Variants in MAGI3 observed in about 807,000 individuals in gnomAD.
The protein encoded by MAGI3 is membrane associated guanylate kinase, WW and PDZ domain containing 3, also known as membrane-associated guanylate kinase, WW and PDZ domain-containing protein 3.
A neutral mutation model predicts 121.8 loss-of-function variants in MAGI3; 43 were observed. The observed-to-expected ratio is 0.35, with a 90% CI of 0.28 to 0.46. MAGI3 has a LOEUF of 0.46. MAGI3 is among the 20% of genes least tolerant of loss of function. The probability of loss-of-function intolerance (pLI) is 1.00; values close to 1 mark genes in which losing one functional copy is unlikely to be tolerated. For synonymous variants in MAGI3, 553 were observed against 639.3 expected, an observed-to-expected ratio of 0.86 and a Z score of 2.04; for missense variants, 1,547 against 1,797.3, an observed-to-expected ratio of 0.86 and a Z score of 2.52.
At chr1:113,631,311 C>T (rs1306408185) in intron 9 of MAGI3, among the ~76,000 whole-genome samples, 6 of 152,094 alleles carry the variant, frequency 3.9e-5, no homozygotes, top group Non-Finnish European at 7.3e-5. Context: ...TCTCTTGTAA[C>T]GGTACTTTTA....
At chr1:113,612,145 T>C (rs1650192287) in intron 6 of MAGI3, among the ~76,000 whole-genome samples, 2 of 152,132 alleles carry the variant, frequency 1.3e-5, no homozygotes, top group South Asian at 4.1e-4. Context: ...GGTTTCACAA[T>C]GTTGGCCAGG....
chr1:113,525,190 T>C lies in MAGI3; in HGVS notation c.317-24325T>C, dbSNP rs182759328. ...CTTTATCAGCAACATGAAAACGGACTAATACACAGGCTGTGTTCACAATTT... is the reference window on the plus strand; with the variant it reads ...CTTTATCAGCAACATGAAAACGGACCAATACACAGGCTGTGTTCACAATTT... On this transcript the variant is annotated intron_variant, in intron 1 of 20. Transcript: ENST00000307546. Among the ~76,000 whole-genome samples the C allele has an allele frequency of 2.6e-4, 39 of 152,352 alleles. 1 individual carries two copies. The East Asian group carries it at 6.7e-3, about 26-fold the overall frequency.
At chr1:113,676,987 A>C (rs1422921118) in intron 19 of MAGI3, among the ~76,000 whole-genome samples, 1 of 152,180 alleles carries the variant, frequency 6.6e-6, no homozygotes, top group Non-Finnish European at 1.5e-5. Flanking sequence ...AGGACTTATT[A>C]CTGGGTGAAC....
chr1:113,441,942 C>T (rs557885769), intron 1 of MAGI3, among the ~76,000 whole-genome samples: 1 of 152,256 alleles, frequency 6.6e-6, no homozygotes, highest in South Asian at 2.1e-4. Flanking sequence ...AGAGAATTAA[C>T]ATCTGATTAT....
At chr1:113,594,830 C>G (rs1449255536) in intron 6 of MAGI3, among the ~76,000 whole-genome samples, 1 of 152,126 alleles carries the variant, frequency 6.6e-6, no homozygotes, top group African/African-American at 2.4e-5. Flanking sequence ...TGACATCTGT[C>G]CTGAAGACAG....
intron 4 of MAGI3, among the ~76,000 whole-genome samples, chr1:113,589,456 G>A (rs1053862191): frequency 1.3e-5 from 2 of 152,036 alleles, no homozygotes; most frequent in African/African-American, 2.4e-5. Context: ...ATTTAGCCAG[G>A]CAGTATTATG....
chr1:113,643,337 A>G (rs17359281), intron 10 of MAGI3, among the ~76,000 whole-genome samples: 15,734 of 152,160 alleles, frequency 0.1, 1,044 homozygotes, highest in East Asian at 0.19. Context: ...TTTGATTCAC[A>G]TGGGTTTCTT....
chr1:113,427,723 C>G (rs1301058746), intron 1 of MAGI3, among the ~76,000 whole-genome samples: 1 of 152,158 alleles, frequency 6.6e-6, no homozygotes, highest in African/African-American at 2.4e-5. Flanking sequence ...AGAAATCAGT[C>G]TAAGCTAGCT....
At position 113,449,308 on chromosome 1, in the gene MAGI3, T is replaced by C. The variant is rs533246065; in HGVS notation, c.316+57959T>C. Among the ~76,000 whole-genome samples, 21 of 151,940 alleles carry C rather than the reference T, an allele frequency of 1.4e-4. No homozygotes were observed. The South Asian group carries it at 3.8e-3, about 27-fold the overall frequency. Reference sequence around the variant, plus strand: ...ATGAGTGGTGAATTTCCTCGTTTAGTCTTACTTTGAGGCAGCAAATAAATC... The same window carrying C: ...ATGAGTGGTGAATTTCCTCGTTTAGCCTTACTTTGAGGCAGCAAATAAATC... On this transcript the variant is annotated intron_variant, in intron 1 of 20. Coordinates refer to ENST00000307546, the MANE Select transcript of MAGI3 (RefSeq NM_001142782.2).
intron 9 of MAGI3, among the ~76,000 whole-genome samples, chr1:113,640,588 A>G (rs1386059985): frequency 6.6e-6 from 1 of 152,118 alleles, no homozygotes; most frequent in East Asian, 1.9e-4. Context: ...AGGGACATAG[A>G]TGAAGCTGGA....
intron 1 of MAGI3, among the ~76,000 whole-genome samples, chr1:113,531,975 A>C (rs1221794218): frequency 6.6e-6 from 1 of 152,188 alleles, no homozygotes; most frequent in Non-Finnish European, 1.5e-5. Context: ...GATATAATTC[A>C]GTTCTTAAGT....
At chr1:113,577,881 A>G (rs990387441) in intron 2 of MAGI3, among the ~76,000 whole-genome samples, 2 of 152,200 alleles carry the variant, frequency 1.3e-5, no homozygotes, top group Non-Finnish European at 2.9e-5. Flanking sequence ...AGTATTATCT[A>G]TAATATGGCT....
At chr1:113,549,261 C>T (rs7514186) in intron 1 of MAGI3, among the ~76,000 whole-genome samples, 10,299 of 152,174 alleles carry the variant, frequency 0.068, 391 homozygotes, top group African/African-American at 0.075. Context: ...ATATTTTTGT[C>T]ACCTTCTCTG....
intron 1 of MAGI3, among the ~76,000 whole-genome samples, chr1:113,503,219 TAAAAAAAAAAAAAAAA>T (rs869272201): frequency 6.7e-4 from 6 of 8,996 alleles, no homozygotes; most frequent in Admixed American, 2.5e-3. Context: ...AGAGTATAAT[TAAAAAAAAAAAAAAAA>T]AAAAAAAAAA....
At chr1:113,521,415 TTTTTG>T (rs1227905870) in intron 1 of MAGI3, among the ~76,000 whole-genome samples, 5 of 149,252 alleles carry the variant, frequency 3.4e-5, no homozygotes, top group African/African-American at 1.2e-4. Context: ...TGTTTTTTGT[TTTTTG>T]TTTTTAAGAT....
intron 19 of MAGI3, among the ~76,000 whole-genome samples, chr1:113,680,641 C>T (rs1648160985): frequency 6.6e-6 from 1 of 152,012 alleles, no homozygotes; most frequent in Non-Finnish European, 1.5e-5. Context: ...CCTGTAGTCC[C>T]AACTACTCGG....
intron 1 of MAGI3, among the ~76,000 whole-genome samples, chr1:113,437,487 A>G (rs1006359372): frequency 2.0e-5 from 3 of 151,996 alleles, no homozygotes; most frequent in Non-Finnish European, 4.4e-5. Flanking sequence ...TTCTCCCTAG[A>G]TAATAGAAAG....
At chr1:113,625,619 A>G (rs1651193168) in intron 9 of MAGI3, among the ~76,000 whole-genome samples, 2 of 152,328 alleles carry the variant, frequency 1.3e-5, no homozygotes, top group South Asian at 4.1e-4. Context: ...TTTTCCAAAT[A>G]TAAGATCCCA....
At position 113,411,719 on chromosome 1, in the gene MAGI3, GTT is replaced by G. The variant is rs758713324; in HGVS notation, c.316+20381_316+20382del. Among the ~76,000 whole-genome samples the G allele has an allele frequency of 2.7e-3, 390 of 143,806 alleles. 2 individuals carry two copies. The highest frequency in any genetic ancestry group is 9.5e-3 in the African/African-American group (376 of 39,444). The allele number at this position is 143,806 out of a possible 152,430, so 94.3% of individuals were successfully genotyped here. ...ATCTTGAATACAAATTAATTTTTTG[GTT>G]TTTTTTTTTTCTATAAAAGTGAACT... On this transcript the variant is annotated intron_variant, in intron 1 of 20. Coordinates refer to ENST00000307546, the MANE Select transcript of MAGI3 (RefSeq NM_001142782.2).
Sources: allele counts gnomAD v4.1 joint callset (sites outside exome capture counted in the v4.1 genomes callset), GRCh38; gene constraint gnomAD v4.1.1; transcripts MANE v1.5; gene names NCBI Gene and HGNC (gene_info 2026-07-23, HGNC 2026-07-21).